The following SARS2 variants were observed in gnomAD, a reference collection of about 807,000 sequenced individuals.
SARS2 encodes the protein seryl-tRNA synthetase 2, mitochondrial.
Under a neutral mutation model 66.8 loss-of-function variants are expected in SARS2, and 52 were observed. The observed-to-expected ratio is 0.78, with a 90% CI of 0.62 to 0.98. The LOEUF (loss-of-function observed/expected upper bound fraction) is 0.98. SARS2 is among the 50% of genes least tolerant of loss of function. The pLI is 0.00. For synonymous variants in SARS2, 306 were observed against 281.4 expected (o/e 1.09, Z -0.87); for missense variants, 673 against 706.3 (o/e 0.95, Z 0.53).
At chr19:38,924,142 A>C (rs1004717702) in intron 2 of SARS2, among the ~76,000 whole-genome samples, 6 of 151,694 alleles carry the variant, frequency 4.0e-5, no homozygotes, top group Non-Finnish European at 5.9e-5. Context: ...AAAAAAAAAA[A>C]AGAAGAAAAT....
At position 38,915,508 on chromosome 19, in the gene SARS2, G is replaced by T; in HGVS notation, c.*98C>A. 2 of 1,446,222 alleles carry T rather than the reference G, an allele frequency of 1.4e-6. No individual in the cohort carries two copies. Among genetic ancestry groups the T allele is most frequent in the Non-Finnish European group, 1.9e-6 (2 of 1,053,372 alleles). 89.6% of individuals were successfully genotyped at this position (1,446,222 alleles called of 1,614,324 possible). On this transcript the variant is annotated 3_prime_UTR_variant, in exon 16 of 16. Coordinates refer to ENST00000221431, the MANE Select transcript of SARS2 (RefSeq NM_017827.4). Reference sequence around the variant, plus strand: ...GCGTGGAGCTGACAGGAAGAACACAGATGTCAGGACGGGCTCAGCAACACA... The same window carrying T: ...GCGTGGAGCTGACAGGAAGAACACATATGTCAGGACGGGCTCAGCAACACA...
Position 38,926,289 on chromosome 19 carries a change from C to T in SARS2, c.279G>A (p.Trp93Ter), listed in dbSNP as rs1203658535. The T allele has an allele frequency of 6.2e-7, 1 of 1,604,280 alleles. No homozygotes were observed. The highest frequency in any genetic ancestry group is 1.3e-5 in the African/African-American group (1 of 75,056). Residue 93 changes from tryptophan to a stop codon, truncating the protein, a stop_gained, in exon 2 of 16, where the codon TGG becomes TGA. Coordinates refer to ENST00000221431, the MANE Select transcript of SARS2 (RefSeq NM_017827.4). LOFTEE classifies it high-confidence loss of function. ...GCTCCTGCAGCTGCCTCAGCTCCTGCCATGTCGAGATCTGGGGTGGATATA... is the reference window on the plus strand; with the variant it reads ...GCTCCTGCAGCTGCCTCAGCTCCTGTCATGTCGAGATCTGGGGTGGATATA... ...SADLPAIIST[W>*]QELRQLQEQI...
chr19:38,921,830 G>T, intron 3 of SARS2, 163 bp from the exon 4 acceptor site: 1 of 1,310,032 alleles, frequency 7.6e-7, no homozygotes, highest in Non-Finnish European at 1.1e-6. Flanking sequence ...CCACCACATG[G>T]CAGGTTTGTG....
chr19:38,929,003 G>C (rs1974678240), intron 1 of SARS2, among the ~76,000 whole-genome samples: 1 of 152,086 alleles, frequency 6.6e-6, no homozygotes, highest in African/African-American at 2.4e-5. Flanking sequence ...GATCACTTGA[G>C]GTCAAGAGTT....
At position 38,920,119 on chromosome 19, in the gene SARS2, T is replaced by C; in HGVS notation, c.620A>G (p.Glu207Gly). The change falls in exon 6 of 16, where the codon GAA (glutamate) becomes GGA (glycine). Residue 207 changes from glutamate to glycine, a missense_variant. By Grantham distance (98) the Glu-to-Gly change is moderately conservative (BLOSUM62 -2). Coordinates refer to ENST00000221431, the MANE Select transcript of SARS2 (RefSeq NM_017827.4). The part of the protein sequence containing the change: ...VFSFQPRGHL[E>G]IGEKLDIIRQ... ...GATGATGTCGAGTTTCTCGCCAATT[T>C]CCAGGTGGCCCCGAGGTTGGAAGGA... 1 of 1,562,528 alleles carries C rather than the reference T, an allele frequency of 6.4e-7. No individual in the cohort carries two copies. The highest frequency in any genetic ancestry group is 8.7e-7 in the Non-Finnish European group (1 of 1,152,720).
Position 38,922,242 on chromosome 19 carries a change from T to C in SARS2, c.389A>G (p.Gln130Arg), listed in dbSNP as rs748153928. The C allele has an allele frequency of 1.2e-6, 2 of 1,614,092 alleles. No individual in the cohort carries two copies. The highest frequency in any genetic ancestry group is 2.7e-5 in the African/African-American group (2 of 75,030). The change falls in exon 3 of 16, where the codon CAG becomes CGG. Residue 130 changes from glutamine (Q) to arginine (R), a missense_variant. Gln to Arg is a conservative substitution (Grantham distance 43). Coordinates refer to ENST00000221431, the MANE Select transcript of SARS2 (RefSeq NM_017827.4). ...GACATCAACTCTTCACAGTACCTGC[T>C]GCACTTCACCACTGTCCTGGTTTGC... ...LLANQDSGEV[Q>R]QDPKYQGLRA...
rs1204761118 is a variant in SARS2, at chr19:38,921,282, AGTTCTCCAGGCTCCAGACAT to A, written c.589+90_589+109del. The A allele has an allele frequency of 2.6e-6, 3 of 1,150,142 alleles. No homozygotes were observed. In the African/African-American group the frequency reaches 4.6e-5, roughly 18 times the overall value. 71.2% of individuals were successfully genotyped at this position (1,150,142 alleles called of 1,614,324 possible). On this transcript the variant is annotated intron_variant, in intron 5 of 15. Coordinates refer to ENST00000221431, the MANE Select transcript of SARS2 (RefSeq NM_017827.4). ...TGGAGCCACCTCCTGTACCGCCAGG[AGTTCTCCAGGCTCCAGACAT>A]GTTCCCAGACCCCAGGGGCCCCCAC...
chr19:38,915,955 G>C, intron 14 of SARS2, 49 bp from the exon 15 acceptor site: 1 of 1,612,728 alleles, frequency 6.2e-7, no homozygotes, highest in Non-Finnish European at 8.5e-7. Context: ...AGCTGAGCCC[G>C]GGGAGGAGCC....
At chr19:38,925,920 G>A (rs1429974945) in intron 2 of SARS2, among the ~76,000 whole-genome samples, 1 of 152,134 alleles carries the variant, frequency 6.6e-6, no homozygotes, top group African/African-American at 2.4e-5. Flanking sequence ...AGGTTCAAGC[G>A]ATTCTCCTGC....
rs148276926 is a variant in SARS2, at chr19:38,921,619, C to T, written c.442G>A (p.Glu148Lys). The T allele has an allele frequency of 2.5e-6, 4 of 1,614,232 alleles. No homozygotes were observed. The highest frequency in any genetic ancestry group is 2.2e-5 in the South Asian group (2 of 91,084). ...LRARGREIRK[E>K]LVHLYPREAQ... ...TCCCTGGGGTACAGGTGAACAAGCTCCTTCCGGATCTCCCGGCCACGTGCC... is the reference window on the plus strand; with the variant it reads ...TCCCTGGGGTACAGGTGAACAAGCTTCTTCCGGATCTCCCGGCCACGTGCC... Residue 148 changes from glutamate (E) to lysine (K), a missense_variant, in exon 4 of 16, where the codon GAG becomes AAG. Glu to Lys is a moderately conservative substitution (Grantham distance 56). Coordinates refer to ENST00000221431, the MANE Select transcript of SARS2 (RefSeq NM_017827.4).
At chr19:38,929,046 G>A (rs755230149) in intron 1 of SARS2, among the ~76,000 whole-genome samples, 12 of 151,912 alleles carry the variant, frequency 7.9e-5, no homozygotes, top group Non-Finnish European at 1.3e-4. Context: ...GTGAAACCCC[G>A]TCTCTACTAA....
At chr19:38,920,948 CACAG>C (rs1417507732) in intron 5 of SARS2, among the ~76,000 whole-genome samples, 4 of 78,446 alleles carry the variant, frequency 5.1e-5, no homozygotes, top group Non-Finnish European at 6.2e-5. Flanking sequence ...GACACACACA[CACAG>C]ACACAGACAC....
intron 14 of SARS2, 62 bp downstream of exon 14, chr19:38,915,975 G>A: frequency 1.2e-6 from 2 of 1,612,396 alleles, no homozygotes; most frequent in East Asian, 2.2e-5. Context: ...CAAGGTGGGT[G>A]GGTCTAGGGC....
intron 1 of SARS2, among the ~76,000 whole-genome samples, chr19:38,929,293 G>A (rs1974686359): frequency 6.7e-6 from 1 of 149,646 alleles, no homozygotes; most frequent in Non-Finnish European, 1.5e-5. Context: ...GGTGGCTCAT[G>A]CCTGTAATCT....
Position 38,921,416 on chromosome 19 carries a change from G to A in SARS2, c.565C>T (p.Leu189Phe), listed in dbSNP as rs536859177. 3.7e-6 allele frequency: 6 copies of A among 1,613,820 alleles called. No individual in the cohort carries two copies. The Admixed American group carries it at 6.7e-5, about 18-fold the overall frequency. The change falls in exon 5 of 16, where the codon CTC (leucine) becomes TTC (phenylalanine). Residue 189 changes from leucine to phenylalanine, a missense_variant. By Grantham distance (22) the Leu-to-Phe change is conservative. Coordinates refer to ENST00000221431, the MANE Select transcript of SARS2 (RefSeq NM_017827.4). The stretch of plus-strand genomic sequence containing the variant: ...CCTGGCTTGTCTCCGACCATGTGGA[G>A]CACTCGAGCCTGGCTCTCATCCCCG... ...PVGDESQARV[L>F]HMVGDKPVFS...
chr19:38,921,789 G>T lies in SARS2; in HGVS notation c.394-122C>A, dbSNP rs1462559499. The T allele has an allele frequency of 4.9e-6, 7 of 1,434,258 alleles. No homozygotes were observed. The African/African-American group carries it at 8.5e-5, about 17-fold the overall frequency. 88.8% of individuals were successfully genotyped at this position (1,434,258 alleles called of 1,614,324 possible). A position where few individuals can be genotyped will look rare whatever the true frequency, so the allele number is the denominator to read the frequency against. ...ATTCATGCCTCTTCTCCAGGCCCAG[G>T]ATCCTGAACGTCTTCGCAGAACTTC... On this transcript the variant is annotated intron_variant, in intron 3 of 15. Coordinates refer to ENST00000221431, the MANE Select transcript of SARS2 (RefSeq NM_017827.4).
Position 38,919,768 on chromosome 19 carries a change from G to A in SARS2, c.753C>T (p.Leu251=), listed in dbSNP as rs1376104650. 2.5e-6 allele frequency: 4 copies of A among 1,614,024 alleles called. No homozygotes were observed. Among genetic ancestry groups the A allele is most frequent in the South Asian group, 2.2e-5 (2 of 91,078 alleles). ...CTCCTATCTTGGCCCATACCCGGCGGAGAAGCTTGTTGAATGTGAAGTTGA... is the reference window on the plus strand; with the variant it reads ...CTCCTATCTTGGCCCATACCCGGCGAAGAAGCTTGTTGAATGTGAAGTTGA... ...GLVNFTFNKL[L]RRGFTPMTVP... is the part of the protein sequence containing the mutation. Residue 251 remains leucine (L), a synonymous_variant, in exon 7 of 16, where the codon CTC becomes CTT. Transcript: ENST00000221431.
In SARS2 at chr19:38,918,823, G is replaced by A; in HGVS notation, c.760-10C>T. On this transcript the variant is annotated splice_polypyrimidine_tract_variant and intron_variant, in intron 7 of 15. Coordinates refer to ENST00000221431, the MANE Select transcript of SARS2 (RefSeq NM_017827.4). ...TCATGGGGGTGAAGCCCTGTTCAGGGGAGAGGATGAGTGAGCAGAGCTGGG... is the reference window on the plus strand; with the variant it reads ...TCATGGGGGTGAAGCCCTGTTCAGGAGAGAGGATGAGTGAGCAGAGCTGGG... 2 of 1,558,324 alleles carry A rather than the reference G, an allele frequency of 1.3e-6. No homozygotes were observed. Among genetic ancestry groups the A allele is most frequent in the Non-Finnish European group, 1.7e-6 (2 of 1,150,194 alleles).
At chr19:38,916,388 G>A (rs1974419176) in intron 12 of SARS2, 74 bp from the exon 13 acceptor site, 2 of 1,348,124 alleles carry the variant, frequency 1.5e-6, no homozygotes, top group Non-Finnish European at 2.1e-6. Context: ...TGGAAACGAT[G>A]GAAGAGAAGG....
Sources: gnomAD v4.1 joint callset for allele counts (sites outside exome capture counted in the v4.1 genomes callset) on GRCh38, gnomAD v4.1.1 for gene constraint, MANE v1.5 for transcripts, NCBI Gene and HGNC (gene_info 2026-07-23, HGNC 2026-07-21) for gene names.